TPRG1: variants seen among roughly 807,000 people sequenced by gnomAD.
TPRG1 encodes tumor protein p63 regulated 1, also known as tumor protein p63-regulated gene 1 protein.
Under a neutral mutation model 29.3 loss-of-function variants are expected in TPRG1, and 29 were observed. The observed-to-expected ratio is 0.99, with a 90% CI of 0.74 to 1.35. TPRG1 has a LOEUF of 1.35. Among genes scored for constraint, TPRG1 ranks in the 40% most tolerant of loss-of-function variants. TPRG1 has a pLI of 0.00. For synonymous variants in TPRG1, 130 were observed against 116.8 expected (o/e 1.11, Z -0.73); for missense variants, 327 against 335.0 (o/e 0.98, Z 0.19).
In TPRG1 at chr3:189,269,522, G is replaced by T. The variant is rs1205445366; in HGVS notation, c.479+30613G>T. 3.3e-5 allele frequency among the ~76,000 whole-genome samples: 5 copies of T among 152,122 alleles called. No homozygotes were observed. The East Asian group carries it at 9.6e-4, about 29-fold the overall frequency. ...ATTGAGTCCCGGAGCTGTGCAGGGT[G>T]TATTTCCTGAGAACTCATCTGGAGG... On this transcript the variant is annotated intron_variant, in intron 4 of 5. Transcript: ENST00000345063.
intron 4 of TPRG1, among the ~76,000 whole-genome samples, chr3:189,090,063 T>C (rs928355969): frequency 1.3e-5 from 2 of 152,244 alleles, no homozygotes; most frequent in East Asian, 1.9e-4. Flanking sequence ...TGTTATTTTA[T>C]ATAGTATTTT....
intron 3 of TPRG1, among the ~76,000 whole-genome samples, chr3:189,141,822 G>A (rs558041969): frequency 2.4e-4 from 36 of 152,304 alleles, no homozygotes; most frequent in African/African-American, 7.9e-4. Context: ...ACTTTAAAAA[G>A]CTGTGACAAG....
chr3:189,252,997 G>T lies in TPRG1; in HGVS notation c.479+14088G>T, dbSNP rs530674480. Among the ~76,000 whole-genome samples the T allele has an allele frequency of 8.0e-4, 122 of 152,154 alleles. No homozygotes were observed. In the Middle Eastern group the frequency reaches 0.01, roughly 13 times the overall value. Reference sequence around the variant, plus strand: ...AGGGTGATTTGACAGGTACATCTCAGTAAATCCCAGTTTTTGATATTATTT... The same window carrying T: ...AGGGTGATTTGACAGGTACATCTCATTAAATCCCAGTTTTTGATATTATTT... On this transcript the variant is annotated intron_variant, in intron 4 of 5. Coordinates refer to ENST00000345063, the MANE Select transcript of TPRG1 (RefSeq NM_198485.4).
At chr3:189,059,570 C>T (rs563249737) in intron 4 of TPRG1, among the ~76,000 whole-genome samples, 8 of 150,128 alleles carry the variant, frequency 5.3e-5, no homozygotes, top group Admixed American at 1.3e-4. Flanking sequence ...CCAGCCTGAG[C>T]GACAGAGCAA....
chr3:189,215,072 A>G (rs558596966), intron 2 of TPRG1, among the ~76,000 whole-genome samples: 1 of 152,190 alleles, frequency 6.6e-6, no homozygotes, highest in Admixed American at 6.6e-5. Flanking sequence ...GTAAGATTAT[A>G]GAAGATGGGG....
At chr3:189,291,790 A>G (rs575383076) in intron 4 of TPRG1, among the ~76,000 whole-genome samples, 1 of 152,242 alleles carries the variant, frequency 6.6e-6, no homozygotes, top group Non-Finnish European at 1.5e-5. Context: ...AACCCTGATC[A>G]TTAAGCAGGG....
chr3:189,316,444 G>A (rs1375732836), intron 5 of TPRG1, among the ~76,000 whole-genome samples: 1 of 152,106 alleles, frequency 6.6e-6, no homozygotes, highest in African/African-American at 2.4e-5. Flanking sequence ...TAGCCTGCAG[G>A]CTCAGAAAAC....
intron 4 of TPRG1, among the ~76,000 whole-genome samples, chr3:189,296,144 A>T (rs2109235550): frequency 6.6e-6 from 1 of 152,372 alleles, no homozygotes; most frequent in Non-Finnish European, 1.5e-5. Flanking sequence ...TTTAGCCTAA[A>T]TAAGTCATCA....
chr3:189,100,024 T>C (rs1718998350), upstream of TPRG1: 1 of 152,158 alleles, frequency 6.6e-6, no homozygotes, highest in African/African-American at 2.4e-5. Flanking sequence ...ACGTTCCCTT[T>C]CACGAATCAA....
chr3:189,188,977 C>T (rs1404654982), intron 1 of TPRG1, among the ~76,000 whole-genome samples: 4 of 152,090 alleles, frequency 2.6e-5, no homozygotes, highest in Admixed American at 6.6e-5. Flanking sequence ...TAATACATTT[C>T]GTTTACAAAA....
intron 4 of TPRG1, among the ~76,000 whole-genome samples, chr3:189,058,616 CAA>C (rs1265651293): frequency 2.6e-5 from 4 of 152,180 alleles, no homozygotes; most frequent in Non-Finnish European, 5.9e-5. Flanking sequence ...AGGGTGCTAA[CAA>C]AGAGGTATGC....
At chr3:189,037,998 A>C (rs1276335505) in intron 4 of TPRG1, among the ~76,000 whole-genome samples, 1 of 151,670 alleles carries the variant, frequency 6.6e-6, no homozygotes, top group Non-Finnish European at 1.5e-5. Flanking sequence ...AAATTTTGCC[A>C]AATTAAATAA....
chr3:189,127,416 T>C (rs1722611032), intron 2 of TPRG1, among the ~76,000 whole-genome samples: 2 of 152,174 alleles, frequency 1.3e-5, no homozygotes, highest in Non-Finnish European at 1.5e-5. Context: ...TGTTAACAAA[T>C]GGAAACTATT....
intron 4 of TPRG1, among the ~76,000 whole-genome samples, chr3:189,297,091 C>T (rs541336239): frequency 6.6e-6 from 1 of 152,242 alleles, no homozygotes; most frequent in Admixed American, 6.5e-5. Flanking sequence ...AGTGATTCTG[C>T]CACCTCAGCC....
intron 4 of TPRG1, among the ~76,000 whole-genome samples, chr3:189,065,205 T>C (rs1003938676): frequency 6.6e-6 from 1 of 152,226 alleles, no homozygotes; most frequent in Admixed American, 6.5e-5. Flanking sequence ...AAATACCATT[T>C]TGAGACCAAA....
chr3:189,035,167 A>G (rs1227403158), intron 4 of TPRG1, among the ~76,000 whole-genome samples: 4 of 152,188 alleles, frequency 2.6e-5, no homozygotes, highest in East Asian at 3.9e-4. Flanking sequence ...GACAAAGTCA[A>G]CAATAACAAG....
At chr3:189,108,048 A>G (rs1720032590) in intron 1 of TPRG1, among the ~76,000 whole-genome samples, 1 of 152,146 alleles carries the variant, frequency 6.6e-6, no homozygotes, top group East Asian at 1.9e-4. Context: ...TACTTTGTCT[A>G]ATGGGGAGGT....
At chr3:189,025,038 TG>T (rs1274419564) in intron 4 of TPRG1, among the ~76,000 whole-genome samples, 2 of 152,216 alleles carry the variant, frequency 1.3e-5, no homozygotes, top group African/African-American at 4.8e-5. Context: ...CCTGGTCCCC[TG>T]GATTCAGCCC....
At chr3:189,311,359 CTTTA>C (rs1722458727) in intron 5 of TPRG1, among the ~76,000 whole-genome samples, 1 of 152,046 alleles carries the variant, frequency 6.6e-6, no homozygotes, top group Non-Finnish European at 1.5e-5. Context: ...TATTACAATT[CTTTA>C]TTTGCTATGA....
Sources: allele counts gnomAD v4.1 joint callset (sites outside exome capture counted in the v4.1 genomes callset), GRCh38; gene constraint gnomAD v4.1.1; transcripts MANE v1.5; gene names NCBI Gene and HGNC (gene_info 2026-07-23, HGNC 2026-07-21).